ROBO3: variants seen among roughly 807,000 people sequenced by gnomAD.
ROBO3 encodes the protein roundabout guidance receptor 3.
A neutral mutation model predicts 160.5 loss-of-function variants in ROBO3; 97 were observed. The ratio of observed to expected loss-of-function variants is 0.60; its 90% CI spans 0.51 to 0.72. The LOEUF is 0.72. Ranked by LOEUF, ROBO3 falls within the 30% of genes least tolerant of loss-of-function variation. ROBO3 has a pLI of 0.00. For synonymous variants in ROBO3, 780 were observed against 746.2 expected (o/e 1.05, Z -0.74); for missense variants, 1,858 against 1,846.5 (o/e 1.01, Z -0.11).
rs369206000 is a variant in ROBO3 at position 124,877,563 on chromosome 11, A to G, written c.2891A>G (p.Asp964Gly). Residue 964 changes from aspartate (D) to glycine (G), a missense_variant, in exon 20 of 28, where the codon GAT becomes GGT. Transcript: ENST00000397801. Reference protein sequence around the residue: ...LGPAPYSWLADSWPHPSRSPS... With the variant: ...LGPAPYSWLAGSWPHPSRSPS... ...CCCGCCCCCTACTCATGGCTGGCAGATTCGTGGCCCCACCCATCTCGAAGC... is the reference window on the plus strand; with the variant it reads ...CCCGCCCCCTACTCATGGCTGGCAGGTTCGTGGCCCCACCCATCTCGAAGC... The G allele has an allele frequency of 1.9e-6, 3 of 1,602,030 alleles. No homozygotes were observed. In the South Asian group the frequency reaches 3.4e-5, roughly 18 times the overall value.
At position 124,880,619 on chromosome 11, in the gene ROBO3, T is replaced by A; in HGVS notation, c.4149+11T>A. ...CAGAAACGCCGAGAGGTAGGGGCCA[T>A]AGATTGCAGAAAAATGAGGGCAGAG... On this transcript the variant is annotated intron_variant, in intron 27 of 27. Coordinates refer to ENST00000397801, the MANE Select transcript of ROBO3 (RefSeq NM_022370.4). The A allele has an allele frequency of 6.6e-7, 1 of 1,522,722 alleles. No individual in the cohort carries two copies. Among genetic ancestry groups the A allele is most frequent in the South Asian group, 1.2e-5 (1 of 81,392 alleles). The allele number at this position is 1,522,722 out of a possible 1,614,324, so 94.3% of individuals were successfully genotyped here.
rs1565311404 is a variant in ROBO3, at chr11:124,872,976, A to T, written c.1423A>T (p.Thr475Ser). 1 of 1,613,632 alleles carries T rather than the reference A, an allele frequency of 6.2e-7. No individual in the cohort carries two copies. Among genetic ancestry groups the T allele is most frequent in the East Asian group, 2.2e-5 (1 of 44,880 alleles). ...GSSVWLPCRVTGNPQPSVRWK... is the reference protein window; with the variant it reads ...GSSVWLPCRVSGNPQPSVRWK... Reference sequence around the variant, plus strand: ...CTCCGTGTGGCTGCCCTGCAGAGTGACTGGGAACCCTCAACCCAGTGTCCG... The same window carrying T: ...CTCCGTGTGGCTGCCCTGCAGAGTGTCTGGGAACCCTCAACCCAGTGTCCG... Residue 475 changes from threonine to serine, a missense_variant, in exon 9 of 28, where the codon ACT becomes TCT. Physicochemically the swap from Thr to Ser is moderately conservative, Grantham distance 58. Transcript: ENST00000397801. This position sits in a 1 kb window ranked among gnomAD's most constrained non-coding sequence, Gnocchi z 4.3.
intron 1 of ROBO3, among the ~76,000 whole-genome samples, chr11:124,866,731 G>C (rs907969097): frequency 6.6e-6 from 1 of 152,196 alleles, no homozygotes; most frequent in Non-Finnish European, 1.5e-5. Context: ...TCCTGAGACC[G>C]GGAAGGGTAG....
chr11:124,870,402 C>A, intron 5 of ROBO3, 99 bp downstream of exon 5: 2 of 1,501,772 alleles, frequency 1.3e-6, no homozygotes, highest in Non-Finnish European at 1.8e-6. Context: ...CTTGAGAACA[C>A]AGAGAAGTCT....
chr11:124,868,948 C>A lies in ROBO3; in HGVS notation c.307C>A (p.Arg103Ser). 6.2e-7 allele frequency: 1 copy of A among 1,605,684 alleles called. No individual in the cohort carries two copies. The highest frequency in any genetic ancestry group is 8.5e-7 in the Non-Finnish European group (1 of 1,176,910). ...PNIEWYKNGA[R>S]VATVREDPRA... Reference sequence around the variant, plus strand: ...CATTGAGTGGTACAAGAACGGGGCGCGTGTGGCCACTGTGCGGGAGGATCC... The same window carrying A: ...CATTGAGTGGTACAAGAACGGGGCGAGTGTGGCCACTGTGCGGGAGGATCC... The change falls in exon 2 of 28, where the codon CGT becomes AGT. Residue 103 changes from arginine (R) to serine (S), a missense_variant. By Grantham distance (110) the Arg-to-Ser change is moderately radical. Coordinates refer to ENST00000397801, the MANE Select transcript of ROBO3 (RefSeq NM_022370.4).
In ROBO3 at chr11:124,868,817, C is replaced by A; in HGVS notation, c.176C>A (p.Pro59Gln). 6.2e-7 allele frequency: 1 copy of A among 1,609,260 alleles called. No homozygotes were observed. Among genetic ancestry groups the A allele is most frequent in the South Asian group, 1.1e-5 (1 of 89,868 alleles). ...DPSLNGSRVG[P>Q]EDAMPRIVEQ... ...CTGTCCCCAGGGTCAAGGGTAGGAC[C>A]GGAGGACGCTATGCCCCGCATCGTG... The change falls in exon 2 of 28, where the codon CCG (proline) becomes CAG (glutamine). Residue 59 changes from proline to glutamine, a missense_variant. Physicochemically the swap from Pro to Gln is moderately conservative, Grantham distance 76. Transcript: ENST00000397801.
In ROBO3 at chr11:124,872,122, C is replaced by A. The variant is rs1289268405; in HGVS notation, c.1159-259C>A. 6.6e-6 allele frequency among the ~76,000 whole-genome samples: 1 copy of A among 152,180 alleles called. No individual in the cohort carries two copies. Among genetic ancestry groups the A allele is most frequent in the Non-Finnish European group, 1.5e-5 (1 of 68,028 alleles). On this transcript the variant is annotated intron_variant, in intron 7 of 27. Coordinates refer to ENST00000397801, the MANE Select transcript of ROBO3 (RefSeq NM_022370.4). This position sits in a 1 kb window ranked among gnomAD's most constrained non-coding sequence, Gnocchi z 4.3. Reference sequence around the variant, plus strand: ...CAAATTTGGGAAATTGGGGCTCAGGCAGGTTAAACAGCTTGTTCAGGGTTT... The same window carrying A: ...CAAATTTGGGAAATTGGGGCTCAGGAAGGTTAAACAGCTTGTTCAGGGTTT...
rs1946245955 is a variant in ROBO3, at chr11:124,869,255, C to T, written c.487+127C>T. ...CACTCAGCATCCTTCTTTGGGACCG[C>T]GACCTTTGATCTCTAATGGCCACAC... On this transcript the variant is annotated intron_variant, in intron 2 of 27. Transcript: ENST00000397801. The surrounding 1 kb of genome is among the most constrained non-coding windows in gnomAD (Gnocchi z 4.2). The T allele has an allele frequency of 3.4e-6, 4 of 1,183,462 alleles. No individual in the cohort carries two copies. Among genetic ancestry groups the T allele is most frequent in the Admixed American group, 4.1e-5 (2 of 49,300 alleles). 73.3% of individuals were successfully genotyped at this position (1,183,462 alleles called of 1,614,324 possible). A position where few individuals can be genotyped will look rare whatever the true frequency, so the allele number is the denominator to read the frequency against.
chr11:124,876,447 C>G lies in ROBO3; in HGVS notation c.2766C>G (p.Leu922=). The change falls in exon 17 of 28, where the codon CTC becomes CTG. Residue 922 remains leucine, a synonymous_variant. Transcript: ENST00000397801. This position sits in a 1 kb window ranked among gnomAD's most constrained non-coding sequence, Gnocchi z 5.3. ...GGCGCCGGAAACAGCGCAAAGAGCT[C>G]AGCCACTACACGGGTGAGCTCCCGG... ...LYWRRKQRKE[L]SHYTASFAYT... The G allele has an allele frequency of 7.0e-7, 1 of 1,434,364 alleles. No individual in the cohort carries two copies. Among genetic ancestry groups the G allele is most frequent in the Non-Finnish European group, 9.1e-7 (1 of 1,099,706 alleles). The allele number at this position is 1,434,364 out of a possible 1,614,324, so 88.9% of individuals were successfully genotyped here.
In ROBO3 at chr11:124,878,857, T is replaced by A. The variant is rs1441120276; in HGVS notation, c.3533+61T>A. On this transcript the variant is annotated intron_variant, in intron 23 of 27. Coordinates refer to ENST00000397801, the MANE Select transcript of ROBO3 (RefSeq NM_022370.4). The surrounding 1 kb of genome is among the most constrained non-coding windows in gnomAD (Gnocchi z 4.3). ...CCTCTATACGTATCTACTCAGTAGA[T>A]GACTGGGTGGGTGGATGGATGGATG... The A allele has an allele frequency of 1.5e-6, 2 of 1,370,432 alleles. No homozygotes were observed. Among genetic ancestry groups the A allele is most frequent in the African/African-American group, 1.4e-5 (1 of 70,214 alleles). 84.9% of individuals were successfully genotyped at this position (1,370,432 alleles called of 1,614,324 possible).
At chr11:124,875,070 C>G in intron 13 of ROBO3, 41 bp from the exon 14 acceptor site, 2 of 1,545,818 alleles carry the variant, frequency 1.3e-6, no homozygotes, top group African/African-American at 1.4e-5. Context: ...CTGTATGGCC[C>G]CAGCCTCCCC....
At position 124,879,522 on chromosome 11, in the gene ROBO3, G is replaced by A. The variant is rs769850279; in HGVS notation, c.3743G>A (p.Arg1248Gln). The change falls in exon 25 of 28, where the codon CGA becomes CAA. Residue 1248 changes from arginine to glutamine, a missense_variant. Coordinates refer to ENST00000397801, the MANE Select transcript of ROBO3 (RefSeq NM_022370.4). The part of the protein sequence containing the change: ...MTPPLQGPRA[R>Q]FRKKPKALPY... Reference sequence around the variant, plus strand: ...CCCCCACTTCAAGGACCCCGTGCTCGATTCCGGAAGAAACCCAAGGCTCTT... The same window carrying A: ...CCCCCACTTCAAGGACCCCGTGCTCAATTCCGGAAGAAACCCAAGGCTCTT... 65 of 1,613,776 alleles carry A rather than the reference G, an allele frequency of 4.0e-5. No individual in the cohort carries two copies. The South Asian group carries it at 6.6e-4, about 16-fold the overall frequency.
In ROBO3 at chr11:124,878,049, T is replaced by A. The variant is rs766891749; in HGVS notation, c.3099T>A (p.His1033Gln). The A allele has an allele frequency of 5.0e-6, 8 of 1,612,554 alleles. No homozygotes were observed. In the Admixed American group the frequency reaches 1.3e-4, roughly 27 times the overall value. The change falls in exon 21 of 28, where the codon CAT (histidine) becomes CAA (glutamine). Residue 1033 changes from histidine to glutamine, a missense_variant. Physicochemically the swap from His to Gln is conservative, Grantham distance 24. Transcript: ENST00000397801. This position sits in a 1 kb window ranked among gnomAD's most constrained non-coding sequence, Gnocchi z 4.3. ...CGGGGGAGGAGCTGCAGACCTTCCA[T>A]GGGGGCTTCCCCCAACATCCCTCAG... ...DPAGEELQTFHGGFPQHPSGD... is the reference protein window; with the variant it reads ...DPAGEELQTFQGGFPQHPSGD...
Position 124,878,382 on chromosome 11 carries a change from C to G in ROBO3, c.3266C>G (p.Pro1089Arg). The change falls in exon 22 of 28, where the codon CCT becomes CGT. Residue 1089 changes from proline to arginine, a missense_variant. Pro to Arg is a moderately radical substitution (Grantham distance 103, BLOSUM62 -2). Transcript: ENST00000397801. The surrounding 1 kb of genome is among the most constrained non-coding windows in gnomAD (Gnocchi z 4.3). ...LNWPEALPPPPPSCELSCLEG... is the reference protein window; with the variant it reads ...LNWPEALPPPRPSCELSCLEG... ...TGGCCAGAAGCCCTGCCCCCACCTC[C>G]TCCTTCTTGTGAACTGAGCTGCCTA... 1.2e-6 allele frequency: 2 copies of G among 1,613,996 alleles called. No homozygotes were observed. The highest frequency in any genetic ancestry group is 4.5e-5 in the East Asian group (2 of 44,870).
In ROBO3 at chr11:124,875,634, C is replaced by T. The variant is rs750354305; in HGVS notation, c.2370C>T (p.Ser790=). The T allele has an allele frequency of 6.2e-6, 10 of 1,610,876 alleles. No homozygotes were observed. In the East Asian group the frequency reaches 1.8e-4, roughly 29 times the overall value. Residue 790 remains serine, a synonymous_variant, in exon 15 of 28, where the codon TCC becomes TCT. Coordinates refer to ENST00000397801, the MANE Select transcript of ROBO3 (RefSeq NM_022370.4). ...ATGGCAACAGCAGTATCACTGTGTC[C>T]TGGGAACCTCCACTCCCCTCCCAGC... ...GGDGNSSITV[S]WEPPLPSQQN... is the part of the protein sequence containing the mutation.
At chr11:124,875,825 G>A in intron 15 of ROBO3, 129 bp from the exon 16 acceptor site, 1 of 1,436,620 alleles carries the variant, frequency 7.0e-7, no homozygotes. Flanking sequence ...AGAAGAGAGA[G>A]GTTTCCAAGT....
chr11:124,866,628 T>C (rs1946199829), intron 1 of ROBO3, among the ~76,000 whole-genome samples: 1 of 152,234 alleles, frequency 6.6e-6, no homozygotes, highest in Non-Finnish European at 1.5e-5. Flanking sequence ...TATGTGTGTG[T>C]TCATGTGTGG....
At chr11:124,879,130 A>G (rs992943903) in intron 23 of ROBO3, 60 bp from the exon 24 acceptor site, 3 of 1,518,480 alleles carry the variant, frequency 2.0e-6, no homozygotes, top group Admixed American at 2.0e-5. Context: ...AGTGCCAGGC[A>G]CATAGTAGGC....
rs773474702 is a variant in ROBO3 at position 124,873,773 on chromosome 11, T to C, written c.1695T>C (p.Thr565=). The C allele has an allele frequency of 6.2e-7, 1 of 1,613,684 alleles. No individual in the cohort carries two copies. Among genetic ancestry groups the C allele is most frequent in the Non-Finnish European group, 8.5e-7 (1 of 1,179,644 alleles). The change falls in exon 11 of 28, where the codon ACT becomes ACC. Residue 565 remains threonine, a synonymous_variant. Coordinates refer to ENST00000397801, the MANE Select transcript of ROBO3 (RefSeq NM_022370.4). The surrounding 1 kb of genome is among the most constrained non-coding windows in gnomAD (Gnocchi z 4.5). ...GGGCTCCCTCTCAGCCAGTGGTCAC[T>C]GAGATCACCAAGAACAGCATTACCC... ...PPGAPSQPVV[T]EITKNSITLT...
Sources: allele counts gnomAD v4.1 joint callset (sites outside exome capture counted in the v4.1 genomes callset), GRCh38; gene constraint gnomAD v4.1.1; non-coding constraint Gnocchi (gnomAD v3.1); transcripts MANE v1.5; gene names NCBI Gene and HGNC (gene_info 2026-07-23, HGNC 2026-07-21).